TENM3: variants seen among roughly 807,000 people sequenced by gnomAD.
The protein encoded by TENM3 is teneurin transmembrane protein 3, also known as teneurin-3.
In TENM3, 63 loss-of-function variants were observed where a neutral mutation model predicts 255.1. That is an observed-to-expected ratio of 0.25 (90% CI 0.20 to 0.30). TENM3 has a LOEUF of 0.30. Among genes scored for constraint, TENM3 ranks in the 10% least tolerant of loss-of-function variants. The pLI, the probability that TENM3 is intolerant of heterozygous loss-of-function variation, is 1.00. For missense variants in TENM3, 2,929 were observed against 3,461.1 expected (o/e 0.85, Z 3.86); for synonymous variants, 1,306 against 1,322.3 (o/e 0.99, Z 0.27).
the TENM3 span, among the ~76,000 whole-genome samples, chr4:181,808,682 G>C: frequency 6.6e-6 from 1 of 152,150 alleles, no homozygotes; most frequent in Non-Finnish European, 1.5e-5. Context: ...ACAAGCCAGC[G>C]AGCAAGTGAG....
the TENM3 span, among the ~76,000 whole-genome samples, chr4:182,130,086 G>A: frequency 6.6e-6 from 1 of 152,108 alleles, no homozygotes; most frequent in East Asian, 1.9e-4. Context: ...TCTAGGCAAA[G>A]CCAACTCTTT....
At chr4:182,368,740 T>C (rs1374610854) in intron 3 of TENM3, among the ~76,000 whole-genome samples, 1 of 152,166 alleles carries the variant, frequency 6.6e-6, no homozygotes, top group African/African-American at 2.4e-5. Flanking sequence ...ATAAGAATAT[T>C]GCCCACGTAT....
At chr4:182,366,144 T>C (rs573335701) in intron 3 of TENM3, among the ~76,000 whole-genome samples, 15 of 152,132 alleles carry the variant, frequency 9.9e-5, no homozygotes, top group Non-Finnish European at 1.9e-4. Context: ...TGAATCTTAT[T>C]AACCCTTAAT....
At chr4:182,314,263 T>A (rs965146935) in intron 1 of TENM3, among the ~76,000 whole-genome samples, 2 of 151,342 alleles carry the variant, frequency 1.3e-5, no homozygotes, top group Non-Finnish European at 2.9e-5. Context: ...ATCGCGCCAC[T>A]ACACTCCAGC....
chr4:182,738,919 G>T (rs1761388836), intron 18 of TENM3, among the ~76,000 whole-genome samples: 1 of 147,152 alleles, frequency 6.8e-6, no homozygotes, highest in African/African-American at 2.5e-5. Flanking sequence ...CTTTAGAAAG[G>T]TTTACCAAAA....
At chr4:182,412,857 T>A in intron 3 of TENM3, among the ~76,000 whole-genome samples, 2 of 147,576 alleles carry the variant, frequency 1.4e-5, no homozygotes, top group African/African-American at 2.5e-5. Context: ...AGAGTGAGAC[T>A]CTGTCTCAAA....
At chr4:181,745,067 T>C in the TENM3 span, among the ~76,000 whole-genome samples, 2,664 of 152,160 alleles carry the variant, frequency 0.018, 79 homozygotes, top group African/African-American at 0.061. Flanking sequence ...AAGGAGTGAT[T>C]GTGAGTAGAG....
the TENM3 span, among the ~76,000 whole-genome samples, chr4:181,848,289 G>A: frequency 6.6e-6 from 1 of 152,164 alleles, no homozygotes; most frequent in African/African-American, 2.4e-5. Flanking sequence ...GTCATCTAGT[G>A]ACTCTTATTT....
At chr4:181,808,844 A>G in the TENM3 span, among the ~76,000 whole-genome samples, 1 of 152,202 alleles carries the variant, frequency 6.6e-6, no homozygotes, top group Non-Finnish European at 1.5e-5. Context: ...CTCAGGGCTA[A>G]AGGGCATTCA....
At chr4:181,718,202 A>G in the TENM3 span, among the ~76,000 whole-genome samples, 1 of 152,240 alleles carries the variant, frequency 6.6e-6, no homozygotes, top group African/African-American at 2.4e-5. Context: ...CTGGAAAGAC[A>G]TGATGCCAAT....
At chr4:181,872,404 C>T in the TENM3 span, among the ~76,000 whole-genome samples, 2 of 151,940 alleles carry the variant, frequency 1.3e-5, no homozygotes, top group Non-Finnish European at 1.5e-5. Context: ...TTGTTGTACA[C>T]GTTATTTCAT....
At chr4:181,504,796 T>C in the TENM3 span, among the ~76,000 whole-genome samples, 4 of 152,290 alleles carry the variant, frequency 2.6e-5, no homozygotes, top group South Asian at 8.3e-4. Flanking sequence ...TGGACAGCTG[T>C]CTCCTATAGT....
the TENM3 span, among the ~76,000 whole-genome samples, chr4:181,470,964 T>A: frequency 7.6e-6 from 1 of 131,052 alleles, no homozygotes; most frequent in Non-Finnish European, 1.6e-5. Flanking sequence ...ATTTATTGCA[T>A]AATTTGCTTA....
chr4:182,030,199 T>C, the TENM3 span, among the ~76,000 whole-genome samples: 3 of 152,004 alleles, frequency 2.0e-5, no homozygotes, highest in Admixed American at 6.6e-5. Context: ...TAGCCCAGCA[T>C]GCATTAGCTA....
At chr4:182,109,582 AT>A in the TENM3 span, among the ~76,000 whole-genome samples, 3 of 152,174 alleles carry the variant, frequency 2.0e-5, no homozygotes, top group African/African-American at 7.2e-5. Flanking sequence ...AGTGTACGAT[AT>A]TGCTTCCCAG....
chr4:182,715,381 G>A (rs1268948212), intron 13 of TENM3, among the ~76,000 whole-genome samples: 1 of 152,142 alleles, frequency 6.6e-6, no homozygotes, highest in Non-Finnish European at 1.5e-5. Flanking sequence ...TTTTGGAGCA[G>A]ACACATCTTC....
intron 3 of TENM3, among the ~76,000 whole-genome samples, chr4:182,404,090 A>T: frequency 6.6e-6 from 1 of 152,186 alleles, no homozygotes; most frequent in East Asian, 1.9e-4. Flanking sequence ...GAATTTGCTA[A>T]TTCCTTTTTT....
chr4:182,127,328 C>T, the TENM3 span, among the ~76,000 whole-genome samples: 5 of 152,146 alleles, frequency 3.3e-5, no homozygotes, highest in Admixed American at 6.5e-5. Context: ...TTATCAGCAG[C>T]GCCTGTCCTA....
At chr4:182,617,302 A>G (rs913467654) in intron 4 of TENM3, among the ~76,000 whole-genome samples, 1 of 152,224 alleles carries the variant, frequency 6.6e-6, no homozygotes, top group Non-Finnish European at 1.5e-5. Flanking sequence ...ATATTTTAAC[A>G]GTACTTTTAA....
Sources: gnomAD v4.1 joint callset for allele counts (sites outside exome capture counted in the v4.1 genomes callset) on GRCh38, gnomAD v4.1.1 for gene constraint, MANE v1.5 for transcripts, NCBI Gene and HGNC (gene_info 2026-07-23, HGNC 2026-07-21) for gene names.